The following SLC6A13 variants were observed in gnomAD, a reference collection of about 807,000 sequenced individuals.
The protein encoded by SLC6A13 is solute carrier family 6 member 13, also known as sodium- and chloride-dependent GABA transporter 2.
Under a neutral mutation model 72.9 loss-of-function variants are expected in SLC6A13, and 69 were observed. That is an observed-to-expected ratio of 0.95 (90% CI 0.78 to 1.16). SLC6A13 has a LOEUF of 1.16. Ranked by LOEUF, SLC6A13 falls within the 50% of genes most tolerant of loss-of-function variation. SLC6A13 has a pLI of 0.00. For missense variants in SLC6A13, 735 were observed against 760.5 expected, an observed-to-expected ratio of 0.97 and a Z score of 0.39; for synonymous variants, 303 against 303.0, an observed-to-expected ratio of 1.00 and a Z score of 0.00.
intron 2 of SLC6A13, among the ~76,000 whole-genome samples, chr12:257,884 T>C (rs538751160): frequency 6.6e-6 from 1 of 152,264 alleles, no homozygotes; most frequent in African/African-American, 2.4e-5. Flanking sequence ...GGCCAACCTT[T>C]ACCCAATTCC....
Position 227,594 on chromosome 12 carries a change from G to A in SLC6A13, c.906C>T (p.Ser302=), listed in dbSNP as rs1341004575. 1 of 1,613,852 alleles carries A rather than the reference G, an allele frequency of 6.2e-7. No homozygotes were observed. Among genetic ancestry groups the A allele is most frequent in the Admixed American group, 1.7e-5 (1 of 59,990 alleles). Residue 302 remains serine, a synonymous_variant, in exon 8 of 15, where the codon AGC becomes AGT. Transcript: ENST00000343164. Reference sequence around the variant, plus strand: ...AGCAGTTGTTGTGGTACTTGTTGTAGCTGCCCAGGGCTGTCAGGCACCCAA... The same window carrying A: ...AGCAGTTGTTGTGGTACTTGTTGTAACTGCCCAGGGCTGTCAGGCACCCAA... ...ICLGCLTALG[S]YNKYHNNCYR...
intron 3 of SLC6A13, 80 bp downstream of exon 3, chr12:243,599 T>C: frequency 1.4e-6 from 2 of 1,402,126 alleles, no homozygotes; most frequent in Non-Finnish European, 2.0e-6. Context: ...TCAGAACTGC[T>C]ACTAATCACT....
At chr12:227,452 C>G (rs1241829707) in intron 8 of SLC6A13, 113 bp downstream of exon 8, 7 of 1,535,354 alleles carry the variant, frequency 4.6e-6, no homozygotes, top group East Asian at 4.9e-5. Flanking sequence ...GGGGTGTAGA[C>G]AGGGGGGCAG....
intron 2 of SLC6A13, among the ~76,000 whole-genome samples, chr12:244,294 T>A (rs970284237): frequency 6.6e-6 from 1 of 152,222 alleles, no homozygotes; most frequent in East Asian, 1.9e-4. Flanking sequence ...TAATTCCCTA[T>A]GCAACAGTGT....
intron 2 of SLC6A13, among the ~76,000 whole-genome samples, chr12:247,092 G>A (rs141733700): frequency 6.6e-6 from 1 of 151,432 alleles, no homozygotes; most frequent in East Asian, 1.9e-4. Flanking sequence ...CCTAAGTGGT[G>A]AGACAGCTTC....
At chr12:227,504 G>A (rs996407454) in intron 8 of SLC6A13, 61 bp downstream of exon 8, 111 of 1,607,816 alleles carry the variant, frequency 6.9e-5, no homozygotes, top group African/African-American at 2.7e-4. Flanking sequence ...CTCGTCTAGC[G>A]TGGCTGGAAG....
chr12:220,937 G>C lies in SLC6A13; in HGVS notation c.*11C>G, dbSNP rs754407187. ...GGCCAGGCACACAGGCACCATCCAA[G>C]GGCCTGCCCCCTAGCAGTGAGACTC... On this transcript the variant is annotated 3_prime_UTR_variant, in exon 15 of 15. Transcript: ENST00000343164. 1.9e-6 allele frequency: 3 copies of C among 1,611,592 alleles called. No individual in the cohort carries two copies. The highest frequency in any genetic ancestry group is 2.5e-6 in the Non-Finnish European group (3 of 1,179,842).
In SLC6A13 at chr12:233,969, A is replaced by G. The variant is rs115064972; in HGVS notation, c.831+1121T>C. On this transcript the variant is annotated intron_variant, in intron 7 of 14. Transcript: ENST00000343164. ...GTAAGGCATTCTAAGTCACAGGATG[A>G]GACAGGAGGTCGTCACCTCACAAGA... Among the ~76,000 whole-genome samples, 380 of 152,210 alleles carry G rather than the reference A, an allele frequency of 2.5e-3. 2 individuals carry two copies. Among genetic ancestry groups the G allele is most frequent in the African/African-American group, 8.7e-3 (363 of 41,530 alleles).
intron 2 of SLC6A13, among the ~76,000 whole-genome samples, chr12:258,723 A>T (rs1427514555): frequency 2.0e-5 from 3 of 152,160 alleles, no homozygotes; most frequent in Non-Finnish European, 4.4e-5. Context: ...TGGTTGCAAA[A>T]TTTCTGTCAC....
chr12:246,497 T>C (rs997969480), intron 2 of SLC6A13, among the ~76,000 whole-genome samples: 2 of 152,144 alleles, frequency 1.3e-5, no homozygotes, highest in Non-Finnish European at 2.9e-5. Context: ...ATGAGAATAT[T>C]TAAAAGTTAT....
chr12:233,276 G>T (rs76507659), intron 7 of SLC6A13, among the ~76,000 whole-genome samples: 1 of 152,124 alleles, frequency 6.6e-6, no homozygotes, highest in African/African-American at 2.4e-5. Context: ...GCACCCCTCC[G>T]GCCCTCGACA....
chr12:226,264 G>A (rs565020792), intron 9 of SLC6A13, 126 bp downstream of exon 9: 10 of 1,111,400 alleles, frequency 9.0e-6, no homozygotes, highest in South Asian at 5.3e-5. Flanking sequence ...TTCCCAGAAC[G>A]CATCCACTGA....
intron 4 of SLC6A13, among the ~76,000 whole-genome samples, chr12:240,963 C>T (rs1207437341): frequency 2.0e-5 from 3 of 152,136 alleles, no homozygotes; most frequent in Non-Finnish European, 2.9e-5. Context: ...AATGCTTTTC[C>T]GGGCAAGTAA....
intron 6 of SLC6A13, among the ~76,000 whole-genome samples, chr12:235,944 A>C (rs1380948443): frequency 6.6e-6 from 1 of 152,148 alleles, no homozygotes; most frequent in Non-Finnish European, 1.5e-5. Flanking sequence ...CAGTACCCTC[A>C]GGTTTACTAG....
At chr12:227,790 A>C in intron 7 of SLC6A13, 122 bp from the exon 8 acceptor site, 1 of 792,364 alleles carries the variant, frequency 1.3e-6, no homozygotes, top group Non-Finnish European at 2.0e-6. Context: ...ACCTGTTCTC[A>C]GCCAACACTT....
chr12:235,433 ATT>A (rs1941893465), intron 6 of SLC6A13, among the ~76,000 whole-genome samples: 1 of 152,246 alleles, frequency 6.6e-6, no homozygotes, highest in South Asian at 2.1e-4. Flanking sequence ...GCAGAGGAAC[ATT>A]AATTGTGAAA....
chr12:258,429 C>A (rs1016368601), intron 2 of SLC6A13, among the ~76,000 whole-genome samples: 1 of 152,196 alleles, frequency 6.6e-6, no homozygotes, highest in Admixed American at 6.5e-5. Flanking sequence ...TACTCACCTG[C>A]AAAAGGATAG....
chr12:242,049 G>C (rs1457137175), intron 4 of SLC6A13, among the ~76,000 whole-genome samples: 1 of 152,186 alleles, frequency 6.6e-6, no homozygotes, highest in Non-Finnish European at 1.5e-5. Flanking sequence ...GGGCCATGTG[G>C]GTGTGCACTC....
At chr12:228,946 G>A (rs1284469046) in intron 7 of SLC6A13, among the ~76,000 whole-genome samples, 1 of 152,190 alleles carries the variant, frequency 6.6e-6, no homozygotes, top group East Asian at 1.9e-4. Flanking sequence ...CATCAGGGGT[G>A]CACCCAGGGC....
Sources: gnomAD v4.1 joint callset for allele counts (sites outside exome capture counted in the v4.1 genomes callset) on GRCh38, gnomAD v4.1.1 for gene constraint, MANE v1.5 for transcripts, NCBI Gene and HGNC (gene_info 2026-07-23, HGNC 2026-07-21) for gene names.